The following KAT6A variants were observed in gnomAD, a reference collection of about 807,000 sequenced individuals.
KAT6A encodes the protein lysine acetyltransferase 6A.
Under a neutral mutation model 198.4 loss-of-function variants are expected in KAT6A, and 9 were observed. That is an observed-to-expected ratio of 0.05 (90% CI 0.03 to 0.08). The LOEUF is 0.08. Ranked by LOEUF, KAT6A falls within the 10% of genes least tolerant of loss-of-function variation. The pLI is 1.00. For missense variants in KAT6A, 2,077 were observed against 2,509.9 expected, an observed-to-expected ratio of 0.83 and a Z score of 3.69; for synonymous variants, 890 against 883.0, an observed-to-expected ratio of 1.01 and a Z score of -0.14.
At chr8:41,977,590 T>G in intron 6 of KAT6A, 1 of 339,242 alleles carries the variant, frequency 2.9e-6, no homozygotes, top group Non-Finnish European at 5.3e-6. Flanking sequence ...AATTCTCTCT[T>G]ACTAGCTGTA....
intron 7 of KAT6A, 102 bp downstream of exon 7, chr8:41,976,906 T>C (rs764871838): frequency 1.1e-5 from 11 of 965,580 alleles, no homozygotes; most frequent in Admixed American, 2.6e-5. Flanking sequence ...CTATAACCAA[T>C]TGTTAATAAT....
intron 2 of KAT6A, among the ~76,000 whole-genome samples, chr8:42,005,814 CCCAT>C (rs561170396): frequency 5.6e-5 from 8 of 143,036 alleles, no homozygotes; most frequent in East Asian, 2.0e-4. Context: ...TCTCTTTCTC[CCCAT>C]CCATCCATCC....
intron 16 of KAT6A, among the ~76,000 whole-genome samples, chr8:41,936,660 AC>A (rs1821869721): frequency 6.6e-6 from 1 of 152,238 alleles, no homozygotes; most frequent in African/African-American, 2.4e-5. Flanking sequence ...TTGTATCTAT[AC>A]TATAAAATTT....
Position 41,933,859 on chromosome 8 carries a change from T to G in KAT6A, c.4361A>C (p.Gln1454Pro). The G allele has an allele frequency of 6.2e-7, 1 of 1,614,162 alleles. No homozygotes were observed. The highest frequency in any genetic ancestry group is 8.5e-7 in the Non-Finnish European group (1 of 1,180,022). Residue 1454 changes from glutamine (Q) to proline (P), a missense_variant, in exon 17 of 17, where the codon CAG becomes CCG. By Grantham distance (76) the Gln-to-Pro change is moderately conservative (BLOSUM62 -1). Coordinates refer to ENST00000265713, the MANE Select transcript of KAT6A (RefSeq NM_006766.5). This position sits in a 1 kb window ranked among gnomAD's most constrained non-coding sequence, Gnocchi z 6.2. ...AGCCTGGGTGTAACTCTGCAGGGTCTGACACGCCGCAAGAGTTTCCTCACA... is the reference window on the plus strand; with the variant it reads ...AGCCTGGGTGTAACTCTGCAGGGTCGGACACGCCGCAAGAGTTTCCTCACA... ...QDCEETLAAC[Q>P]TLQSYTQADE...
At chr8:41,979,267 CAA>C (rs904337412) in intron 5 of KAT6A, among the ~76,000 whole-genome samples, 1 of 151,000 alleles carries the variant, frequency 6.6e-6, no homozygotes, top group Non-Finnish European at 1.5e-5. Flanking sequence ...GACTCCGTCT[CAA>C]AAAAAAAGTT....
Position 41,980,919 on chromosome 8 carries a change from C to T in KAT6A, c.834G>A (p.Met278Ile). ...CTCGGTCACATGAATCACAAAAGAG[C>T]ATGTTATCCTATTAGAAAAAAGAAA... The part of the protein sequence containing the change: ...CRDQGKNADN[M>I]LFCDSCDRGF... Residue 278 changes from methionine (M) to isoleucine (I), a missense_variant, in exon 5 of 17, where the codon ATG becomes ATA. Transcript: ENST00000265713. 3 of 1,610,942 alleles carry T rather than the reference C, an allele frequency of 1.9e-6. No individual in the cohort carries two copies. The highest frequency in any genetic ancestry group is 2.5e-6 in the Non-Finnish European group (3 of 1,177,818).
At chr8:42,004,065 A>G (rs1217642859) in intron 2 of KAT6A, among the ~76,000 whole-genome samples, 3 of 152,198 alleles carry the variant, frequency 2.0e-5, no homozygotes, top group Admixed American at 6.5e-5. Flanking sequence ...CATATCCTCA[A>G]TGTTACCTAC....
intron 13 of KAT6A, 125 bp downstream of exon 13, chr8:41,943,623 T>C: frequency 1.5e-6 from 1 of 646,492 alleles, no homozygotes; most frequent in Non-Finnish European, 2.8e-6. Flanking sequence ...GAAAATGATA[T>C]CTCATTATCA....
intron 2 of KAT6A, among the ~76,000 whole-genome samples, chr8:42,000,239 C>A (rs540870684): frequency 1.3e-5 from 2 of 152,232 alleles, no homozygotes; most frequent in East Asian, 3.9e-4. Flanking sequence ...AAGAATATTT[C>A]TATGCTAAAA....
chr8:41,961,618 T>C (rs1026243421), intron 8 of KAT6A, among the ~76,000 whole-genome samples: 3 of 151,838 alleles, frequency 2.0e-5, no homozygotes, highest in African/African-American at 7.3e-5. Context: ...TTGGGAGTGG[T>C]GGCGCACACC....
chr8:42,035,119 G>A (rs191892999), intron 2 of KAT6A, among the ~76,000 whole-genome samples: 275 of 152,280 alleles, frequency 1.8e-3, no homozygotes, highest in Middle Eastern at 0.01. Flanking sequence ...AGAGGACCTC[G>A]AATACAGAAG....
chr8:41,993,311 T>G (rs966927709), intron 2 of KAT6A, among the ~76,000 whole-genome samples: 5 of 152,218 alleles, frequency 3.3e-5, no homozygotes, highest in African/African-American at 1.2e-4. Context: ...CCGTGCTTAC[T>G]CATGACACAA....
intron 14 of KAT6A, 58 bp from the exon 15 acceptor site, chr8:41,941,502 T>C: frequency 2.0e-6 from 3 of 1,507,500 alleles, no homozygotes; most frequent in Non-Finnish European, 2.6e-6. Context: ...TGCTTACATT[T>C]ACCTATTCTG....
At chr8:42,037,949 T>C (rs1241421672) in intron 2 of KAT6A, among the ~76,000 whole-genome samples, 1 of 152,192 alleles carries the variant, frequency 6.6e-6, no homozygotes, top group African/African-American at 2.4e-5. Context: ...ACACGGTCTG[T>C]TTACAAGTAA....
chr8:42,002,492 T>A (rs558440407), intron 2 of KAT6A, among the ~76,000 whole-genome samples: 1 of 151,716 alleles, frequency 6.6e-6, no homozygotes, highest in South Asian at 2.1e-4. Flanking sequence ...ACCTGGGGGG[T>A]GGAGGTTGCA....
Position 41,932,436 on chromosome 8 carries a change from T to C in KAT6A, c.5784A>G (p.Thr1928=), listed in dbSNP as rs1354795536. Residue 1928 remains threonine (T), a synonymous_variant, in exon 17 of 17, where the codon ACA becomes ACG. Transcript: ENST00000265713. The part of the protein sequence containing the change: ...TLNAMNSYRM[T]QPMMNSSYHS... ...GGTAACTGCTGTTCATCATGGGCTG[T>C]GTCATTCGATAGCTGTTCATGGCAT... 2 of 1,614,140 alleles carry C rather than the reference T, an allele frequency of 1.2e-6. No individual in the cohort carries two copies. The highest frequency in any genetic ancestry group is 1.3e-5 in the African/African-American group (1 of 74,940).
At chr8:41,946,529 C>CACAA in intron 12 of KAT6A, 62 bp downstream of exon 12, 23 of 681,828 alleles carry the variant, frequency 3.4e-5, no homozygotes, top group East Asian at 1.5e-4. Context: ...CACACACACA[C>CACAA]ACACACACAC....
At position 41,942,823 on chromosome 8, in the gene KAT6A, T is replaced by C. The variant is rs1407129736; in HGVS notation, c.2406A>G (p.Pro802=). 6.2e-7 allele frequency: 1 copy of C among 1,614,194 alleles called. No homozygotes were observed. Among genetic ancestry groups the C allele is most frequent in the Admixed American group, 1.7e-5 (1 of 60,030 alleles). The change falls in exon 14 of 17, where the codon CCA becomes CCG. Residue 802 remains proline (P), a synonymous_variant. Coordinates refer to ENST00000265713, the MANE Select transcript of KAT6A (RefSeq NM_006766.5). The part of the protein sequence containing the change: ...EEAEEGENEE[P]QCQERELEIS... ...TCTCTAATTCTCTTTCCTGGCACTGTGGCTCTTCGTTTTCTCCTTCCTCAG... is the reference window on the plus strand; with the variant it reads ...TCTCTAATTCTCTTTCCTGGCACTGCGGCTCTTCGTTTTCTCCTTCCTCAG...
At chr8:42,010,449 A>G (rs1041704479) in intron 2 of KAT6A, among the ~76,000 whole-genome samples, 16 of 152,288 alleles carry the variant, frequency 1.1e-4, no homozygotes, top group Admixed American at 3.9e-4. Flanking sequence ...CCATAAAGCA[A>G]TAACATTTAC....
Sources: allele counts gnomAD v4.1 joint callset (sites outside exome capture counted in the v4.1 genomes callset), GRCh38; gene constraint gnomAD v4.1.1; non-coding constraint Gnocchi (gnomAD v3.1); transcripts MANE v1.5; gene names NCBI Gene and HGNC (gene_info 2026-07-23, HGNC 2026-07-21).